Variants in LRRTM4 observed in about 807,000 individuals in gnomAD.
The protein encoded by LRRTM4 is leucine-rich repeat transmembrane neuronal protein 4.
Under a neutral mutation model 47.6 loss-of-function variants are expected in LRRTM4, and 25 were observed. The observed-to-expected ratio is 0.53, with a 90% CI of 0.38 to 0.73. The LOEUF is 0.73. LRRTM4 is among the 30% of genes least tolerant of loss of function. The pLI is 0.00. For synonymous variants in LRRTM4, 311 were observed against 269.5 expected, an observed-to-expected ratio of 1.15 and a Z score of -1.51; for missense variants, 638 against 713.4, an observed-to-expected ratio of 0.89 and a Z score of 1.20.
chr2:76,848,789 A>T (rs923291486), intron 3 of LRRTM4, among the ~76,000 whole-genome samples: 1 of 152,184 alleles, frequency 6.6e-6, no homozygotes, highest in Non-Finnish European at 1.5e-5. Context: ...GCTTAATCCA[A>T]GTATAAAATT....
At chr2:76,908,593 C>T (rs1184388830) in intron 3 of LRRTM4, among the ~76,000 whole-genome samples, 1 of 151,936 alleles carries the variant, frequency 6.6e-6, no homozygotes, top group Non-Finnish European at 1.5e-5. Context: ...TCTAGAAAAC[C>T]CCATTGTCTC....
chr2:77,443,812 CTAAGTTAAATGTT>C (rs1260481254), intron 3 of LRRTM4, among the ~76,000 whole-genome samples: 1 of 152,050 alleles, frequency 6.6e-6, no homozygotes, highest in Non-Finnish European at 1.5e-5. Context: ...TGATTAGTTT[CTAAGTTAAATGTT>C]TTCACCAAAC....
intron 3 of LRRTM4, among the ~76,000 whole-genome samples, chr2:77,480,808 GTGTGTGTGTGTGTGGAGAGA>G (rs1677650028): frequency 7.5e-6 from 1 of 133,252 alleles, no homozygotes; most frequent in African/African-American, 2.9e-5. Flanking sequence ...GTGTGTGTGT[GTGTGTGTGTGTGTGGAGAGA>G]GAGAGAGAGA....
chr2:77,130,473 ATTT>A (rs1671764743), intron 3 of LRRTM4, among the ~76,000 whole-genome samples: 1 of 152,082 alleles, frequency 6.6e-6, no homozygotes. Context: ...TAATGTTATT[ATTT>A]TTGTTTGTCA....
intron 3 of LRRTM4, among the ~76,000 whole-genome samples, chr2:76,896,766 G>A (rs960763447): frequency 6.7e-6 from 1 of 149,588 alleles, no homozygotes; most frequent in Non-Finnish European, 1.5e-5. Context: ...CTTTCTGATT[G>A]CACTGTCTTA....
intron 3 of LRRTM4, among the ~76,000 whole-genome samples, chr2:76,907,163 C>G (rs1673872543): frequency 6.6e-6 from 1 of 151,818 alleles, no homozygotes; most frequent in African/African-American, 2.4e-5. Flanking sequence ...ACAGTGCAAT[C>G]AAACTAGAAC....
At chr2:76,768,787 C>A (rs184470123) in intron 3 of LRRTM4, among the ~76,000 whole-genome samples, 1 of 152,092 alleles carries the variant, frequency 6.6e-6, no homozygotes, top group Non-Finnish European at 1.5e-5. Context: ...CTAGGCATTG[C>A]GGAGACTTCA....
chr2:76,942,777 TAA>T (rs1675195033), intron 3 of LRRTM4, among the ~76,000 whole-genome samples: 1 of 151,884 alleles, frequency 6.6e-6, no homozygotes, highest in Admixed American at 6.6e-5. Context: ...ACATTCTTAA[TAA>T]GAGTGTGGGG....
intron 3 of LRRTM4, among the ~76,000 whole-genome samples, chr2:77,158,769 ATCTAAGTGCTTTTT>A (rs1342359903): frequency 6.6e-6 from 1 of 151,712 alleles, no homozygotes; most frequent in Non-Finnish European, 1.5e-5. Context: ...TCTTTTAGTA[ATCTAAGTGCTTTTT>A]TCGTTTTTTT....
In LRRTM4 at chr2:77,246,963, A is replaced by T. The variant is rs567015320; in HGVS notation, c.1551+271355T>A. On this transcript the variant is annotated intron_variant, in intron 3 of 3. Coordinates refer to ENST00000409884, the MANE Select transcript of LRRTM4 (RefSeq NM_001134745.3). The stretch of plus-strand genomic sequence containing the variant: ...TATTCCCAGAGGCAAATATGCCAGC[A>T]TATATAAATGTGTTTGCAAAAATGT... 5.3e-5 allele frequency among the ~76,000 whole-genome samples: 8 copies of T among 152,214 alleles called. No homozygotes were observed. The South Asian group carries it at 1.5e-3, about 28-fold the overall frequency.
intron 3 of LRRTM4, among the ~76,000 whole-genome samples, chr2:76,779,803 T>C (rs1414067939): frequency 6.6e-6 from 1 of 152,216 alleles, no homozygotes; most frequent in Non-Finnish European, 1.5e-5. Flanking sequence ...ATCTTATCAT[T>C]ATGATGTTAG....
At chr2:77,214,400 G>A (rs1250751893) in intron 3 of LRRTM4, among the ~76,000 whole-genome samples, 3 of 152,108 alleles carry the variant, frequency 2.0e-5, no homozygotes, top group African/African-American at 7.2e-5. Flanking sequence ...CTGCTGCCCA[G>A]CTTCGTGTCA....
At chr2:77,184,415 C>G (rs1370319239) in intron 3 of LRRTM4, among the ~76,000 whole-genome samples, 2 of 152,066 alleles carry the variant, frequency 1.3e-5, no homozygotes, top group African/African-American at 4.8e-5. Context: ...CCCACAGAAA[C>G]AGCTAATTGA....
intron 3 of LRRTM4, among the ~76,000 whole-genome samples, chr2:77,419,757 G>A (rs942559103): frequency 3.9e-5 from 6 of 151,976 alleles, no homozygotes; most frequent in African/African-American, 1.5e-4. Context: ...AAACTTGGGT[G>A]GGGTTTCAAA....
chr2:77,048,243 G>A (rs572186828), intron 3 of LRRTM4, among the ~76,000 whole-genome samples: 1 of 152,166 alleles, frequency 6.6e-6, no homozygotes, highest in South Asian at 2.1e-4. Context: ...GTGCATGTGT[G>A]TGTAATGGTA....
At chr2:77,473,581 G>A (rs1319457420) in intron 3 of LRRTM4, among the ~76,000 whole-genome samples, 1 of 152,108 alleles carries the variant, frequency 6.6e-6, no homozygotes, top group Non-Finnish European at 1.5e-5. Context: ...CTTGACAACT[G>A]TGACACAGAA....
intron 3 of LRRTM4, among the ~76,000 whole-genome samples, chr2:76,868,849 ACCCTTTGTC>A (rs1369373271): frequency 6.6e-6 from 1 of 151,906 alleles, no homozygotes; most frequent in Non-Finnish European, 1.5e-5. Flanking sequence ...CAATAAAATC[ACCCTTTGTC>A]CCTTCCTCTT....
intron 3 of LRRTM4, among the ~76,000 whole-genome samples, chr2:77,332,301 G>T (rs983701257): frequency 3.3e-5 from 5 of 152,158 alleles, no homozygotes; most frequent in African/African-American, 7.2e-5. Context: ...AAGGCAATTG[G>T]TTGGGTATTT....
intron 3 of LRRTM4, among the ~76,000 whole-genome samples, chr2:76,778,540 A>G (rs1307574556): frequency 6.6e-6 from 1 of 150,754 alleles, no homozygotes; most frequent in Non-Finnish European, 1.5e-5. Context: ...TTTCTAGTTT[A>G]TTTGCGTAGA....
Sources: gnomAD v4.1 joint callset for allele counts (sites outside exome capture counted in the v4.1 genomes callset) on GRCh38, gnomAD v4.1.1 for gene constraint, MANE v1.5 for transcripts, NCBI Gene and HGNC (gene_info 2026-07-23, HGNC 2026-07-21) for gene names.